The following CSMD1 variants were observed in gnomAD, a reference collection of about 807,000 sequenced individuals.
CSMD1 encodes CUB and Sushi multiple domains 1, also known as CUB and sushi domain-containing protein 1.
CSMD1 carries 213 observed loss-of-function variants against 417.5 expected under a neutral mutation model. That is an observed-to-expected ratio of 0.51 (90% CI 0.46 to 0.57). CSMD1 has a LOEUF of 0.57. Among genes scored for constraint, CSMD1 ranks in the 20% least tolerant of loss-of-function variants. CSMD1 has a pLI of 0.00. For missense variants in CSMD1, 6,923 were observed against 4,529.7 expected, an observed-to-expected ratio of 1.53 and a Z score of -15.17; for synonymous variants, 2,862 against 1,736.8, an observed-to-expected ratio of 1.65 and a Z score of -16.11.
rs567019917 is a variant in CSMD1 at position 4,209,602 on chromosome 8, G to C, written c.416-177503C>G. ...CCTGCCTTTCCTTTTCCCTGTCCCC[G>C]TGATGCAGGAAAGACAAGCCCCCGA... On this transcript the variant is annotated intron_variant, in intron 3 of 69. Coordinates refer to ENST00000635120, the MANE Select transcript of CSMD1 (RefSeq NM_033225.6). 6.6e-5 allele frequency among the ~76,000 whole-genome samples: 10 copies of C among 152,164 alleles called. No individual in the cohort carries two copies. In the East Asian group the frequency reaches 1.4e-3, roughly 21 times the overall value.
chr8:3,691,740 T>C (rs566702857), intron 7 of CSMD1, among the ~76,000 whole-genome samples: 2 of 152,060 alleles, frequency 1.3e-5, no homozygotes, highest in South Asian at 4.2e-4. Flanking sequence ...ATTTTAGAAT[T>C]TGAGAAAATG....
chr8:4,660,396 T>C (rs1247909622), intron 1 of CSMD1, among the ~76,000 whole-genome samples: 2 of 152,042 alleles, frequency 1.3e-5, no homozygotes, highest in Admixed American at 1.3e-4. Context: ...AAGTAATGAT[T>C]AAGCAAGATA....
intron 2 of CSMD1, among the ~76,000 whole-genome samples, chr8:4,475,872 G>T (rs572000013): frequency 6.6e-6 from 1 of 152,088 alleles, no homozygotes; most frequent in South Asian, 2.1e-4. Context: ...CTTACGCTCC[G>T]AAAGTGCTGG....
chr8:4,049,730 T>C (rs900379102), intron 3 of CSMD1, among the ~76,000 whole-genome samples: 3 of 152,202 alleles, frequency 2.0e-5, no homozygotes, highest in Non-Finnish European at 2.9e-5. Context: ...AAAAATTTGT[T>C]TTAAAGTTTA....
intron 3 of CSMD1, among the ~76,000 whole-genome samples, chr8:4,344,523 A>T (rs1800670721): frequency 6.6e-6 from 1 of 151,080 alleles, no homozygotes; most frequent in Non-Finnish European, 1.5e-5. Context: ...GATTGTCAGA[A>T]ATATATATAA....
chr8:4,960,627 C>T (rs11136813), intron 1 of CSMD1, among the ~76,000 whole-genome samples: 100,209 of 152,022 alleles, frequency 0.66, 34,075 homozygotes, highest in Non-Finnish European at 0.74. Flanking sequence ...GTGCATGCAT[C>T]CATACATCCA....
chr8:4,905,915 C>G (rs552718512), intron 1 of CSMD1, among the ~76,000 whole-genome samples: 2 of 151,928 alleles, frequency 1.3e-5, no homozygotes, highest in East Asian at 3.9e-4. Flanking sequence ...CTCAGAGCCA[C>G]TCTTTCCTTT....
chr8:3,479,151 A>G (rs1034831203), intron 11 of CSMD1, among the ~76,000 whole-genome samples: 3 of 152,152 alleles, frequency 2.0e-5, no homozygotes, highest in Admixed American at 6.5e-5. Flanking sequence ...CAATAGTCAA[A>G]TTATCATTGG....
intron 41 of CSMD1, among the ~76,000 whole-genome samples, chr8:3,126,939 G>A (rs1449755186): frequency 6.6e-6 from 1 of 152,162 alleles, no homozygotes; most frequent in Non-Finnish European, 1.5e-5. Context: ...TAGGAGACGG[G>A]TCTACTGATG....
At position 4,694,000 on chromosome 8, in the gene CSMD1, G is replaced by A. The variant is rs868262444; in HGVS notation, c.86-56442C>T. Among the ~76,000 whole-genome samples the A allele has an allele frequency of 3.3e-5, 5 of 152,068 alleles. No homozygotes were observed. The South Asian group carries it at 6.2e-4, about 19-fold the overall frequency. On this transcript the variant is annotated intron_variant, in intron 1 of 69. Transcript: ENST00000635120. ...ACTCTGTGAAGGAAAGTCAATCTCGGGACCCCCAAATCACTAAGCCAAAGG... is the reference window on the plus strand; with the variant it reads ...ACTCTGTGAAGGAAAGTCAATCTCGAGACCCCCAAATCACTAAGCCAAAGG...
chr8:3,307,516 G>C (rs1296527358), intron 25 of CSMD1, among the ~76,000 whole-genome samples, 179 bp downstream of exon 25: 1 of 152,160 alleles, frequency 6.6e-6, no homozygotes, highest in African/African-American at 2.4e-5. Context: ...TTAATTAATG[G>C]TTTCAAGGCA....
intron 3 of CSMD1, among the ~76,000 whole-genome samples, chr8:4,102,061 G>A (rs528219933): frequency 6.6e-6 from 1 of 152,250 alleles, no homozygotes; most frequent in South Asian, 2.1e-4. Context: ...TCTGAGATCA[G>A]CAAGTTTTAC....
intron 3 of CSMD1, among the ~76,000 whole-genome samples, chr8:4,112,893 G>A (rs1263037341): frequency 6.6e-6 from 1 of 152,168 alleles, no homozygotes; most frequent in Non-Finnish European, 1.5e-5. Flanking sequence ...GTGGCATCAA[G>A]CAAGTCTATT....
chr8:3,278,082 C>T (rs1235174251), intron 26 of CSMD1, among the ~76,000 whole-genome samples: 1 of 151,692 alleles, frequency 6.6e-6, no homozygotes, highest in African/African-American at 2.4e-5. Context: ...TTTAGAGTTT[C>T]AAGGGAAAAA....
At chr8:3,563,761 C>T (rs978931154) in intron 10 of CSMD1, among the ~76,000 whole-genome samples, 1 of 151,882 alleles carries the variant, frequency 6.6e-6, no homozygotes. Context: ...TGGTGGTAGG[C>T]ATCTGTAATC....
intron 3 of CSMD1, among the ~76,000 whole-genome samples, chr8:4,259,997 C>T (rs1033684278): frequency 1.3e-5 from 2 of 149,330 alleles, no homozygotes; most frequent in African/African-American, 4.9e-5. Flanking sequence ...CTATAAAGCA[C>T]ATCAGTTAAC....
intron 1 of CSMD1, among the ~76,000 whole-genome samples, chr8:4,813,084 C>A (rs1312019915): frequency 6.6e-6 from 1 of 152,176 alleles, no homozygotes; most frequent in Non-Finnish European, 1.5e-5. Flanking sequence ...GATATTTATG[C>A]ATGATTTACA....
rs149104706 is a variant in CSMD1, at chr8:4,544,699, T to G, written c.302+92643A>C. On this transcript the variant is annotated intron_variant, in intron 2 of 69. Coordinates refer to ENST00000635120, the MANE Select transcript of CSMD1 (RefSeq NM_033225.6). ...CTTTAAGCCAGGGTGTATTACAATG[T>G]ATCCTTGAAAATTCATTCTCAGGCA... is the stretch of plus-strand genomic sequence containing the variant. 3.6e-3 allele frequency among the ~76,000 whole-genome samples: 542 copies of G among 152,356 alleles called. 5 individuals carry two copies. Among genetic ancestry groups the G allele is most frequent in the African/African-American group, 0.012 (512 of 41,590 alleles).
rs566187048 is a variant in CSMD1 at position 3,520,517 on chromosome 8, A to T, written c.1345-26791T>A. On this transcript the variant is annotated intron_variant, in intron 10 of 69. Coordinates refer to ENST00000635120, the MANE Select transcript of CSMD1 (RefSeq NM_033225.6). The stretch of plus-strand genomic sequence containing the variant: ...AAATGTTTATTATCTTGTCAATTTT[A>T]TATCATGTTTTAGCTTGGTTGTCAA... Among the ~76,000 whole-genome samples the T allele has an allele frequency of 1.2e-3, 183 of 152,308 alleles. 1 individual carries two copies. The highest frequency in any genetic ancestry group is 4.2e-3 in the African/African-American group (173 of 41,576).
Sources: gnomAD v4.1 joint callset for allele counts (sites outside exome capture counted in the v4.1 genomes callset) on GRCh38, gnomAD v4.1.1 for gene constraint, MANE v1.5 for transcripts, NCBI Gene and HGNC (gene_info 2026-07-23, HGNC 2026-07-21) for gene names.